PIWIL4: variants seen among roughly 807,000 people sequenced by gnomAD.
PIWIL4 encodes piwi like RNA-mediated gene silencing 4, also known as piwi-like protein 4.
Under a neutral mutation model 100.9 loss-of-function variants are expected in PIWIL4, and 50 were observed. The observed-to-expected ratio is 0.50, with a 90% CI of 0.39 to 0.63. The LOEUF (loss-of-function observed/expected upper bound fraction) is 0.63, where lower values mean the gene tolerates loss of function less well. Ranked by LOEUF, PIWIL4 falls within the 20% of genes least tolerant of loss-of-function variation. The pLI is 0.00. For missense variants in PIWIL4, 887 were observed against 1,043.3 expected (o/e 0.85, Z 2.06); for synonymous variants, 342 against 367.5 (o/e 0.93, Z 0.79).
chr11:94,603,373 T>C (rs1948672103), intron 12 of PIWIL4, among the ~76,000 whole-genome samples: 1 of 152,206 alleles, frequency 6.6e-6, no homozygotes, highest in Admixed American at 6.5e-5. Context: ...CAAATTCCTA[T>C]GTGTGTGAGA....
intron 2 of PIWIL4, among the ~76,000 whole-genome samples, chr11:94,574,527 G>A (rs1948210169): frequency 6.6e-6 from 1 of 152,120 alleles, no homozygotes; most frequent in African/African-American, 2.4e-5. Context: ...TGTGAGACAG[G>A]GTCTCGCCCT....
rs146588541 is a variant in PIWIL4 at position 94,594,909 on chromosome 11, T to G, written c.1151-400T>G. Among the ~76,000 whole-genome samples, 1,246 of 152,090 alleles carry G rather than the reference T, an allele frequency of 8.2e-3. 13 individuals carry two copies. Among genetic ancestry groups the G allele is most frequent in the Non-Finnish European group, 0.011 (716 of 67,970 alleles). On this transcript the variant is annotated intron_variant, in intron 9 of 19. Transcript: ENST00000299001. ...AATACAGTAGCCAGTAGCACATGAGTTTTTGAACACTTGAATTGGGACTAG... is the reference window on the plus strand; with the variant it reads ...AATACAGTAGCCAGTAGCACATGAGGTTTTGAACACTTGAATTGGGACTAG...
chr11:94,597,823 G>T lies in PIWIL4; in HGVS notation c.1288G>T (p.Glu430Ter). 6.2e-7 allele frequency: 1 copy of T among 1,613,628 alleles called. No individual in the cohort carries two copies. The highest frequency in any genetic ancestry group is 1.1e-5 in the South Asian group (1 of 91,024). Residue 430 changes from glutamate to a stop codon, truncating the protein, a stop_gained, in exon 11 of 20, where the codon GAA becomes TAA. Transcript: ENST00000299001. LOFTEE classifies it high-confidence loss of function. ...CAACAGGAATACCAATGCTCGCTTTGAACTAGAGACCTGGGGACTGCATTT... is the reference window on the plus strand; with the variant it reads ...CAACAGGAATACCAATGCTCGCTTTTAACTAGAGACCTGGGGACTGCATTT... ...NIQRNTNARF[E>*]LETWGLHFGS...
chr11:94,575,834 C>T (rs1046636869), intron 3 of PIWIL4, among the ~76,000 whole-genome samples: 2 of 152,180 alleles, frequency 1.3e-5, no homozygotes, highest in African/African-American at 4.8e-5. Context: ...TGAAAACTAT[C>T]ATATGTAGAC....
At chr11:94,598,337 A>G (rs1164616996) in intron 11 of PIWIL4, among the ~76,000 whole-genome samples, 17 of 152,196 alleles carry the variant, frequency 1.1e-4, no homozygotes, top group Admixed American at 1.1e-3. Context: ...TTTAGTTGCC[A>G]TGTCAGTTAT....
intron 2 of PIWIL4, 88 bp downstream of exon 2, chr11:94,568,896 C>A: frequency 9.0e-7 from 1 of 1,111,442 alleles, no homozygotes; most frequent in Non-Finnish European, 1.3e-6. Context: ...AGTAGGCCCA[C>A]CTCTTGCACA....
chr11:94,576,456 G>C (rs568500421), intron 3 of PIWIL4, among the ~76,000 whole-genome samples: 1 of 152,196 alleles, frequency 6.6e-6, no homozygotes, highest in African/African-American at 2.4e-5. Context: ...TTTTCTATAA[G>C]ACCAAAACTG....
At chr11:94,608,387 ATATTCTTCCTGCCTTCTTT>A in intron 14 of PIWIL4, 177 bp from the exon 15 acceptor site, 1 of 553,562 alleles carries the variant, frequency 1.8e-6, no homozygotes, top group South Asian at 2.2e-5. Context: ...AGTGTGTACC[ATATTCTTCCTGCCTTCTTT>A]AAGTCTCTCT....
At chr11:94,610,387 A>G (rs1948775112) in intron 15 of PIWIL4, among the ~76,000 whole-genome samples, 1 of 152,098 alleles carries the variant, frequency 6.6e-6, no homozygotes, top group Non-Finnish European at 1.5e-5. Context: ...TGGATCATAT[A>G]GTAGTTCTAC....
In PIWIL4 at chr11:94,600,771, AG is replaced by A. The variant is rs529871300; in HGVS notation, c.1381-1018del. On this transcript the variant is annotated intron_variant, in intron 11 of 19. Transcript: ENST00000299001. ...CAGACCATAAAAGACAGCCACGCCC[AG>A]GGGGGCCAGTTCAGAGACCTACTCC... is the stretch of plus-strand genomic sequence containing the variant. Among the ~76,000 whole-genome samples the A allele has an allele frequency of 2.2e-3, 339 of 152,220 alleles. 1 individual carries two copies. The highest frequency in any genetic ancestry group is 7.9e-3 in the African/African-American group (329 of 41,530).
At chr11:94,575,864 G>A (rs73521568) in intron 3 of PIWIL4, among the ~76,000 whole-genome samples, 171 of 152,174 alleles carry the variant, frequency 1.1e-3, no homozygotes, top group African/African-American at 3.8e-3. Context: ...GGGTCTTTCC[G>A]GCTCTGACAG....
chr11:94,583,953 C>T (rs961970245), intron 5 of PIWIL4, among the ~76,000 whole-genome samples: 1 of 152,096 alleles, frequency 6.6e-6, no homozygotes, highest in Non-Finnish European at 1.5e-5. Context: ...TTCTCCTAGC[C>T]GATTGATTTA....
At chr11:94,588,451 A>C (rs1948435816) in intron 7 of PIWIL4, among the ~76,000 whole-genome samples, 1 of 152,168 alleles carries the variant, frequency 6.6e-6, no homozygotes, top group African/African-American at 2.4e-5. Flanking sequence ...CTACCCTCTT[A>C]TCCTCCTGTC....
chr11:94,567,822 A>G (rs1295715105), intron 1 of PIWIL4: 12 of 1,157,610 alleles, frequency 1.0e-5, no homozygotes, highest in African/African-American at 1.6e-5. Context: ...TTAGCCAGTA[A>G]AGAGGACTGA....
chr11:94,609,673 T>C (rs77299117), intron 15 of PIWIL4, among the ~76,000 whole-genome samples: 8,624 of 152,162 alleles, frequency 0.057, 521 homozygotes, highest in East Asian at 0.19. Context: ...GGGAGTGAGG[T>C]AGGGATCCAC....
intron 2 of PIWIL4, among the ~76,000 whole-genome samples, chr11:94,570,719 C>T (rs1183133038): frequency 2.6e-5 from 4 of 151,986 alleles, no homozygotes; most frequent in African/African-American, 4.8e-5. Flanking sequence ...GGTGAAACCC[C>T]GTTCCTACTA....
At chr11:94,617,849 TG>T (rs755466144) in intron 16 of PIWIL4, 104 bp from the exon 17 acceptor site, 3 of 1,214,750 alleles carry the variant, frequency 2.5e-6, no homozygotes, top group South Asian at 1.3e-5. Context: ...TATTTTACAG[TG>T]GTCTGAAATA....
chr11:94,621,319 A>G lies in PIWIL4; in HGVS notation c.*327A>G, dbSNP rs536853900. ...TTGCGTGATATTTTGATGACAGATA[A>G]ACAGAGTCTAATTCCCACCCCAAAT... On this transcript the variant is annotated 3_prime_UTR_variant, in exon 20 of 20. Transcript: ENST00000299001. 1.8e-5 allele frequency: 4 copies of G among 217,624 alleles called. No individual in the cohort carries two copies. In the South Asian group the frequency reaches 3.8e-4, roughly 21 times the overall value. The allele number at this position is 217,624 out of a possible 1,614,324, so 13.5% of individuals were successfully genotyped here.
Position 94,567,492 on chromosome 11 carries a change from T to G in PIWIL4, c.-27T>G. The G allele has an allele frequency of 2.6e-6, 4 of 1,529,388 alleles. No homozygotes were observed. Among genetic ancestry groups the G allele is most frequent in the Non-Finnish European group, 3.5e-6 (4 of 1,133,258 alleles). The allele number at this position is 1,529,388 out of a possible 1,614,324, so 94.7% of individuals were successfully genotyped here. ...ATCCTAACTGAGACTTTGCAGCTCT[T>G]GTGGCCACTCTGGGCTCACCGGGAA... On this transcript the variant is annotated 5_prime_UTR_variant, in exon 1 of 20. Transcript: ENST00000299001.
Sources: gnomAD v4.1 joint callset for allele counts (sites outside exome capture counted in the v4.1 genomes callset) on GRCh38, gnomAD v4.1.1 for gene constraint, MANE v1.5 for transcripts, NCBI Gene and HGNC (gene_info 2026-07-23, HGNC 2026-07-21) for gene names.